The following CFH variants were observed in gnomAD, a reference collection of about 807,000 sequenced individuals.
The protein encoded by CFH is complement factor H.
Under a neutral mutation model 147.3 loss-of-function variants are expected in CFH, and 53 were observed. The observed-to-expected ratio is 0.36, with a 90% confidence interval of 0.29 to 0.45. The LOEUF is 0.45. Ranked by LOEUF, CFH falls within the 20% of genes least tolerant of loss-of-function variation. The pLI, the probability that CFH is intolerant of heterozygous loss-of-function variation, is 1.00. For missense variants in CFH, 1,380 were observed against 1,498.0 expected (o/e 0.92, Z 1.30); for synonymous variants, 536 against 489.4 (o/e 1.10, Z -1.26).
chr1:196,685,034 G>T, intron 6 of CFH, 30 bp from the exon 7 acceptor site: 1 of 1,489,670 alleles, frequency 6.7e-7, no homozygotes, highest in African/African-American at 1.4e-5. Context: ...ACTTATTTCT[G>T]CATTATCCAT....
intron 1 of CFH, among the ~76,000 whole-genome samples, chr1:196,672,154 T>C (rs1304395689): frequency 2.0e-5 from 3 of 152,178 alleles, no homozygotes; most frequent in Non-Finnish European, 2.9e-5. Context: ...ATGCTAGATA[T>C]AGCCTCCTTA....
In CFH at chr1:196,692,320, T is replaced by C. The variant is rs189269992; in HGVS notation, c.1336+2081T>C. 1.1e-5 allele frequency: 6 copies of C among 557,766 alleles called. No homozygotes were observed. In the Admixed American group the frequency reaches 3.8e-4, roughly 36 times the overall value. The allele number at this position is 557,766 out of a possible 1,614,324, so 34.6% of individuals were successfully genotyped here. Reference sequence around the variant, plus strand: ...ATCTTTTTGCTTCATCAGTCTCTTTTTTGTCTCATCATTCAGTGTCAGATG... The same window carrying C: ...ATCTTTTTGCTTCATCAGTCTCTTTCTTGTCTCATCATTCAGTGTCAGATG... On this transcript the variant is annotated intron_variant, in intron 9 of 21. Transcript: ENST00000367429.
intron 16 of CFH, 125 bp from the exon 17 acceptor site, chr1:196,737,350 T>G (rs1029072569): frequency 1.4e-6 from 1 of 729,672 alleles, no homozygotes; most frequent in East Asian, 2.7e-5. Flanking sequence ...AATATGTTTT[T>G]GTTTTTAAAT....
At chr1:196,714,885 G>A (rs1573055032) in intron 10 of CFH, among the ~76,000 whole-genome samples, 1 of 150,740 alleles carries the variant, frequency 6.6e-6, no homozygotes, top group Non-Finnish European at 1.5e-5. Context: ...ATTTTTAATA[G>A]AGACAGGGTT....
chr1:196,700,016 C>T (rs116146692), intron 9 of CFH, among the ~76,000 whole-genome samples: 2,066 of 152,174 alleles, frequency 0.014, 49 homozygotes, highest in African/African-American at 0.047. Context: ...ACAAACTTTC[C>T]ATTTGAGTTT....
chr1:196,708,802 C>G (rs930869873), intron 9 of CFH, among the ~76,000 whole-genome samples: 2 of 152,066 alleles, frequency 1.3e-5, no homozygotes, highest in African/African-American at 4.8e-5. Context: ...AAATATTCTG[C>G]CCATTTTCCC....
At chr1:196,715,560 T>G (rs773737022) in intron 10 of CFH, 33 bp from the exon 11 acceptor site, 1 of 1,526,650 alleles carries the variant, frequency 6.6e-7, no homozygotes, top group East Asian at 2.3e-5. Context: ...TAGATGACAT[T>G]AGAAATGACA....
At chr1:196,714,641 A>ATATATATGTATATATATGTG (rs1668808859) in intron 10 of CFH, among the ~76,000 whole-genome samples, 1 of 24,764 alleles carries the variant, frequency 4.0e-5, no homozygotes, top group African/African-American at 2.2e-4. Context: ...ATATGTATAT[A>ATATATATGTATATATATGTG]TATATATATA....
chr1:196,716,579 G>A (rs1035834872), intron 11 of CFH, among the ~76,000 whole-genome samples: 1 of 152,092 alleles, frequency 6.6e-6, no homozygotes, highest in African/African-American at 2.4e-5. Flanking sequence ...AGTCCAGGTA[G>A]GGTGAGAAAG....
At chr1:196,661,158 G>GA (rs1476415915) in intron 1 of CFH, among the ~76,000 whole-genome samples, 10 of 152,074 alleles carry the variant, frequency 6.6e-5, no homozygotes, top group Non-Finnish European at 1.5e-4. Context: ...TATAAACATC[G>GA]AAATAGTGCA....
chr1:196,746,000 G>A lies in CFH; in HGVS notation c.3493+1G>A, dbSNP rs1387205085. The A allele has an allele frequency of 3.1e-6, 5 of 1,614,094 alleles. No homozygotes were observed. The highest frequency in any genetic ancestry group is 1.7e-5 in the Admixed American group (1 of 60,030). ...TGGTCAGAACCACCAAAATGCTTAC[G>A]TAAGTACTTTAATATTCACGTGGCT... On this transcript the variant is annotated splice_donor_variant, in intron 21 of 21. Transcript: ENST00000367429. LOFTEE classifies it high-confidence loss of function.
chr1:196,713,887 G>T lies in CFH; in HGVS notation c.1489G>T (p.Asp497Tyr). The T allele has an allele frequency of 6.2e-7, 1 of 1,612,658 alleles. No homozygotes were observed. ...ETSGSITCGK[D>Y]GWSAQPTCIK... ...ATCAGGATCAATTACATGTGGGAAA[G>T]ATGGATGGTCAGCTCAACCCACGTG... The change falls in exon 10 of 22, where the codon GAT becomes TAT. Residue 497 changes from aspartate to tyrosine, a missense_variant. Asp to Tyr is a radical substitution (Grantham distance 160). Coordinates refer to ENST00000367429, the MANE Select transcript of CFH (RefSeq NM_000186.4).
At chr1:196,665,044 G>T (rs980961611) in intron 1 of CFH, among the ~76,000 whole-genome samples, 2 of 151,148 alleles carry the variant, frequency 1.3e-5, no homozygotes, top group African/African-American at 2.4e-5. Context: ...GTTAAAATTG[G>T]TCAAAAAATA....
At chr1:196,712,629 A>ATTT (rs1668748650) in intron 9 of CFH, among the ~76,000 whole-genome samples, 1 of 151,412 alleles carries the variant, frequency 6.6e-6, no homozygotes, top group African/African-American at 2.4e-5. Context: ...TATTATTATT[A>ATTT]TTATACTTTA....
chr1:196,691,852 C>T (rs2149089780), intron 9 of CFH, among the ~76,000 whole-genome samples: 1 of 151,936 alleles, frequency 6.6e-6, no homozygotes, highest in South Asian at 2.1e-4. Flanking sequence ...ATTCTTTATT[C>T]TAAAAAGTTA....
chr1:196,734,074 A>T (rs1269868632), intron 15 of CFH, among the ~76,000 whole-genome samples: 1 of 152,094 alleles, frequency 6.6e-6, no homozygotes, highest in East Asian at 1.9e-4. Flanking sequence ...ATTAAAGGCC[A>T]AAACACAGGA....
At chr1:196,693,994 TA>T in intron 9 of CFH, among the ~76,000 whole-genome samples, 1 of 105,980 alleles carries the variant, frequency 9.4e-6, no homozygotes, top group Non-Finnish European at 1.9e-5. Context: ...GTGTGTGTTT[TA>T]TTATTATTAT....
rs74882276 is a variant in CFH, at chr1:196,711,377, G to A, written c.1337-2358G>A. 4.6e-5 allele frequency among the ~76,000 whole-genome samples: 7 copies of A among 152,148 alleles called. No homozygotes were observed. In the East Asian group the frequency reaches 1.4e-3, roughly 30 times the overall value. The stretch of plus-strand genomic sequence containing the variant: ...CTTTTGATATATAGTATATCAATCA[G>A]TGTTTGGCTGGAGTAGGGTGAGTAT... On this transcript the variant is annotated intron_variant, in intron 9 of 21. Transcript: ENST00000367429.
intron 9 of CFH, among the ~76,000 whole-genome samples, chr1:196,706,971 A>C (rs1230828525): frequency 6.6e-6 from 1 of 152,118 alleles, no homozygotes; most frequent in Non-Finnish European, 1.5e-5. Flanking sequence ...AGAATGTCTG[A>C]GCTAATGAGA....
Sources: gnomAD v4.1 joint callset for allele counts (sites outside exome capture counted in the v4.1 genomes callset) on GRCh38, gnomAD v4.1.1 for gene constraint, MANE v1.5 for transcripts, NCBI Gene and HGNC (gene_info 2026-07-23, HGNC 2026-07-21) for gene names.